RBFOX3: variants seen among roughly 807,000 people sequenced by gnomAD.
RBFOX3 encodes RNA binding protein fox-1 homolog 3.
Under a neutral mutation model 48.7 loss-of-function variants are expected in RBFOX3, and 17 were observed. That is an observed-to-expected ratio of 0.35 (90% CI 0.24 to 0.52). The LOEUF (loss-of-function observed/expected upper bound fraction) is 0.52, where lower values mean the gene tolerates loss of function less well. Ranked by LOEUF, RBFOX3 falls within the 20% of genes least tolerant of loss-of-function variation. The pLI, the probability that RBFOX3 is intolerant of heterozygous loss-of-function variation, is 0.94. For synonymous variants in RBFOX3, 212 were observed against 209.5 expected (o/e 1.01, Z -0.10); for missense variants, 382 against 497.5 (o/e 0.77, Z 2.21).
intron 3 of RBFOX3, among the ~76,000 whole-genome samples, chr17:79,292,434 G>C (rs1055241111): frequency 1.3e-5 from 2 of 152,082 alleles, no homozygotes; most frequent in Admixed American, 1.3e-4. Context: ...AGGGGACAAG[G>C]GGACTGTGGC....
At chr17:79,097,663 T>A in intron 10 of RBFOX3, 29 bp downstream of exon 10, 1 of 1,384,074 alleles carries the variant, frequency 7.2e-7, no homozygotes, top group Non-Finnish European at 9.8e-7. Flanking sequence ...GCTGGTCTCA[T>A]CCCATCCCCG....
At chr17:79,359,012 C>T (rs2085781742) in intron 2 of RBFOX3, among the ~76,000 whole-genome samples, 1 of 152,244 alleles carries the variant, frequency 6.6e-6, no homozygotes, top group Non-Finnish European at 1.5e-5. Flanking sequence ...ACACCCAGCC[C>T]AGGGAGGCAC....
chr17:79,433,517 C>G (rs1312284352), intron 2 of RBFOX3, among the ~76,000 whole-genome samples: 1 of 152,238 alleles, frequency 6.6e-6, no homozygotes, highest in Non-Finnish European at 1.5e-5. Context: ...TACACACAGG[C>G]TCCGAATGTA....
intron 2 of RBFOX3, among the ~76,000 whole-genome samples, chr17:79,323,382 C>G (rs573751542): frequency 7.9e-5 from 12 of 152,348 alleles, no homozygotes; most frequent in African/African-American, 2.4e-4. Context: ...GATGGATGCT[C>G]TCCCAAGTTC....
intron 4 of RBFOX3, among the ~76,000 whole-genome samples, chr17:79,228,210 C>T (rs547020267): frequency 3.3e-5 from 5 of 152,292 alleles, no homozygotes; most frequent in South Asian, 2.1e-4. Flanking sequence ...TGGCGCTATC[C>T]GTGGGCTCTC....
intron 1 of RBFOX3, among the ~76,000 whole-genome samples, chr17:79,532,432 G>A (rs1273272985): frequency 6.6e-6 from 1 of 152,230 alleles, no homozygotes; most frequent in Admixed American, 6.5e-5. Flanking sequence ...TGCATGCAGG[G>A]AGGCTCAGCC....
At chr17:79,095,459 C>T in intron 13 of RBFOX3, 54 bp downstream of exon 13, 2 of 1,488,020 alleles carry the variant, frequency 1.3e-6, no homozygotes, top group East Asian at 2.5e-5. Context: ...CCCAGGGATC[C>T]TTGTCCATCT....
intron 12 of RBFOX3, 139 bp downstream of exon 12, chr17:79,096,514 G>A (rs1350774295): frequency 5.5e-6 from 4 of 723,062 alleles, no homozygotes; most frequent in Middle Eastern, 3.9e-4. Context: ...GGGCAGACGT[G>A]GCACCCTCGC....
intron 4 of RBFOX3, among the ~76,000 whole-genome samples, chr17:79,221,404 G>A (rs1163643978): frequency 2.6e-5 from 4 of 152,232 alleles, no homozygotes; most frequent in African/African-American, 4.8e-5. Flanking sequence ...GGGTGGCTGC[G>A]TGAGGTCTCA....
At chr17:79,328,470 G>T (rs770148609) in intron 2 of RBFOX3, among the ~76,000 whole-genome samples, 1 of 152,220 alleles carries the variant, frequency 6.6e-6, no homozygotes, top group Admixed American at 6.5e-5. Flanking sequence ...TTGGGAGTCA[G>T]CATGCCTGAG....
chr17:79,656,756 A>AGGAG, the RBFOX3 span, among the ~76,000 whole-genome samples: 7 of 24,678 alleles, frequency 2.8e-4, no homozygotes, highest in East Asian at 1.8e-3. Flanking sequence ...GAAAGAAGGA[A>AGGAG]GGAAGGAAGG....
chr17:79,475,257 A>G (rs2077566871), intron 2 of RBFOX3, among the ~76,000 whole-genome samples: 1 of 152,098 alleles, frequency 6.6e-6, no homozygotes, highest in Admixed American at 6.5e-5. Context: ...GGGTTCTTCC[A>G]ATGTCCACTC....
intron 3 of RBFOX3, among the ~76,000 whole-genome samples, chr17:79,264,881 T>C (rs1432181821): frequency 6.6e-6 from 1 of 152,062 alleles, no homozygotes; most frequent in Non-Finnish European, 1.5e-5. Flanking sequence ...CCTGTACGGT[T>C]CTGCAGGGCA....
chr17:79,413,241 G>A (rs572072028), intron 2 of RBFOX3, among the ~76,000 whole-genome samples: 8 of 152,318 alleles, frequency 5.3e-5, no homozygotes, highest in East Asian at 1.9e-4. Flanking sequence ...GCCCATTTCT[G>A]TGCCAGCCAA....
intron 2 of RBFOX3, among the ~76,000 whole-genome samples, chr17:79,449,005 C>T (rs1186339015): frequency 1.3e-5 from 2 of 152,094 alleles, no homozygotes; most frequent in East Asian, 1.9e-4. Context: ...TGGACCCTCA[C>T]GTCTGCCTGC....
intron 2 of RBFOX3, among the ~76,000 whole-genome samples, chr17:79,347,185 G>C (rs1293415358): frequency 6.6e-6 from 1 of 152,124 alleles, no homozygotes; most frequent in Non-Finnish European, 1.5e-5. Flanking sequence ...TTGTCTTCCT[G>C]CATCTGGCAT....
chr17:79,508,803 G>A (rs2083595790), intron 1 of RBFOX3: 1 of 152,882 alleles, frequency 6.5e-6, no homozygotes, highest in Non-Finnish European at 1.5e-5. Context: ...GTGTCCCCAG[G>A]GCAGAGGGCT....
intron 2 of RBFOX3, among the ~76,000 whole-genome samples, chr17:79,343,149 AGTAC>A (rs1279357635): frequency 6.6e-6 from 1 of 152,214 alleles, no homozygotes; most frequent in East Asian, 1.9e-4. Context: ...TAGATGGCTT[AGTAC>A]ATGACGATCT....
intron 2 of RBFOX3, among the ~76,000 whole-genome samples, chr17:79,371,569 C>A (rs1009226022): frequency 2.0e-5 from 3 of 152,136 alleles, no homozygotes; most frequent in Non-Finnish European, 4.4e-5. Context: ...AAGAGAAAAT[C>A]GAGACGCCCA....
Sources: allele counts gnomAD v4.1 joint callset (sites outside exome capture counted in the v4.1 genomes callset), GRCh38; gene constraint gnomAD v4.1.1; transcripts MANE v1.5; gene names NCBI Gene and HGNC (gene_info 2026-07-23, HGNC 2026-07-21).